CDC14A: variants seen among roughly 807,000 people sequenced by gnomAD.
The protein encoded by CDC14A is cell division cycle 14A.
In CDC14A, 53 loss-of-function variants were observed where a neutral mutation model predicts 74.4. The ratio of observed to expected loss-of-function variants is 0.71; its 90% CI spans 0.57 to 0.89. The LOEUF (loss-of-function observed/expected upper bound fraction) is 0.89. Among genes scored for constraint, CDC14A ranks in the 40% least tolerant of loss-of-function variants. CDC14A has a pLI of 0.00. For synonymous variants in CDC14A, 247 were observed against 258.4 expected, an observed-to-expected ratio of 0.96 and a Z score of 0.43; for missense variants, 646 against 713.7, an observed-to-expected ratio of 0.91 and a Z score of 1.08.
At position 100,519,377 on chromosome 1, in the gene CDC14A, C is replaced by T. The variant is rs1291909919; in HGVS notation, c.*1097C>T. The T allele has an allele frequency of 1.3e-5, 2 of 152,138 alleles. No homozygotes were observed. Among genetic ancestry groups the T allele is most frequent in the Middle Eastern group, 3.1e-3 (1 of 318 alleles). The allele number at this position is 152,138 out of a possible 1,614,324, so 9.4% of individuals were successfully genotyped here. On this transcript the variant is annotated 3_prime_UTR_variant, in exon 16 of 16. Coordinates refer to ENST00000336454, the MANE Select transcript of CDC14A (RefSeq NM_003672.4). Reference sequence around the variant, plus strand: ...ATGAAAGGACCCTTATAGGTACTCACAGCCCTTTCATGTAAGTATGATCTG... The same window carrying T: ...ATGAAAGGACCCTTATAGGTACTCATAGCCCTTTCATGTAAGTATGATCTG...
chr1:100,441,614 C>CT (rs1395398218), intron 6 of CDC14A, among the ~76,000 whole-genome samples: 3 of 149,072 alleles, frequency 2.0e-5, no homozygotes, highest in African/African-American at 4.9e-5. Context: ...ATTTTTCTCA[C>CT]TTTTTTGTCT....
chr1:100,499,882 G>A (rs1648507777), intron 15 of CDC14A, among the ~76,000 whole-genome samples: 1 of 152,150 alleles, frequency 6.6e-6, no homozygotes, highest in East Asian at 1.9e-4. Context: ...TGGGATGCAA[G>A]GTGGGGAGCA....
chr1:100,387,150 G>A (rs1656996687), intron 3 of CDC14A, among the ~76,000 whole-genome samples: 2 of 151,978 alleles, frequency 1.3e-5, no homozygotes, highest in South Asian at 2.1e-4. Context: ...AGAAAACTGT[G>A]GGCCAGGATG....
chr1:100,351,716 G>T, upstream of CDC14A: 5 of 1,544,054 alleles, frequency 3.2e-6, no homozygotes, highest in Admixed American at 5.9e-5. Context: ...ATGCTTTTGC[G>T]CTCACATTGG....
chr1:100,362,821 G>A (rs1652942751), intron 2 of CDC14A, among the ~76,000 whole-genome samples: 1 of 152,142 alleles, frequency 6.6e-6, no homozygotes. Context: ...GTTGCCTGGG[G>A]TAAATACCCG....
intron 4 of CDC14A, among the ~76,000 whole-genome samples, chr1:100,397,742 A>G (rs562521940): frequency 2.4e-4 from 36 of 152,326 alleles, no homozygotes; most frequent in African/African-American, 8.4e-4. Context: ...GCCACATTAT[A>G]TACTTTCCTT....
intron 4 of CDC14A, chr1:100,393,227 A>G: frequency 2.5e-6 from 4 of 1,584,918 alleles, no homozygotes; most frequent in Non-Finnish European, 3.5e-6. Flanking sequence ...TTAAATCTTG[A>G]ATATGTTTTC....
At chr1:100,517,817 G>T (rs1018252145) in intron 15 of CDC14A, among the ~76,000 whole-genome samples, 1 of 152,104 alleles carries the variant, frequency 6.6e-6, no homozygotes, top group Non-Finnish European at 1.5e-5. Flanking sequence ...TAATTCTACT[G>T]CATTAGAAGC....
chr1:100,447,129 A>G (rs545531782), intron 7 of CDC14A, among the ~76,000 whole-genome samples: 14 of 152,312 alleles, frequency 9.2e-5, no homozygotes, highest in African/African-American at 3.1e-4. Flanking sequence ...ATAGTCCATC[A>G]GTGTGACATG....
At chr1:100,410,329 A>AT (rs1250136086) in intron 4 of CDC14A, among the ~76,000 whole-genome samples, 4 of 151,830 alleles carry the variant, frequency 2.6e-5, no homozygotes, top group Non-Finnish European at 4.4e-5. Context: ...TTCTAAAATC[A>AT]TTTTTTTTCC....
rs2101442764 is a variant in CDC14A, at chr1:100,499,107, A to G, written c.1600A>G (p.Asn534Asp). The G allele has an allele frequency of 6.2e-7, 1 of 1,614,108 alleles. No homozygotes were observed. The highest frequency in any genetic ancestry group is 1.7e-5 in the Admixed American group (1 of 60,020). ...CAGAAATTACCCTGAGCTCAACAAT[A>G]ATCAGTACAACAGAAGCAGCAACAG... is the stretch of plus-strand genomic sequence containing the variant. ...TTRNYPELNN[N>D]QYNRSSNSNG... Residue 534 changes from asparagine to aspartate, a missense_variant, in exon 15 of 16, where the codon AAT becomes GAT. Transcript: ENST00000336454.
At chr1:100,431,754 G>GT (rs1256425253) in intron 5 of CDC14A, among the ~76,000 whole-genome samples, 1 of 152,088 alleles carries the variant, frequency 6.6e-6, no homozygotes, top group African/African-American at 2.4e-5. Context: ...GGAGGTTTAG[G>GT]TGGGAGGATT....
intron 2 of CDC14A, among the ~76,000 whole-genome samples, chr1:100,367,290 A>G (rs536138674): frequency 1.3e-5 from 2 of 152,302 alleles, no homozygotes; most frequent in African/African-American, 4.8e-5. Flanking sequence ...TTGATTATCA[A>G]TTAATTTTTA....
chr1:100,352,789 G>C lies in CDC14A; in HGVS notation c.-166G>C. 1 of 1,426,456 alleles carries C rather than the reference G, an allele frequency of 7.0e-7. No individual in the cohort carries two copies. The highest frequency in any genetic ancestry group is 9.1e-7 in the Non-Finnish European group (1 of 1,096,864). The allele number at this position is 1,426,456 out of a possible 1,614,324, so 88.4% of individuals were successfully genotyped here. On this transcript the variant is annotated 5_prime_UTR_variant, in exon 1 of 16. Coordinates refer to ENST00000336454, the MANE Select transcript of CDC14A (RefSeq NM_003672.4). ...GGAATGTCCCCGGGGCGCCCGGCGCGCTGACCCCGAAGCCGCCTCCGCCTT... is the reference window on the plus strand; with the variant it reads ...GGAATGTCCCCGGGGCGCCCGGCGCCCTGACCCCGAAGCCGCCTCCGCCTT...
intron 8 of CDC14A, among the ~76,000 whole-genome samples, chr1:100,458,652 T>C (rs549170881): frequency 5.3e-5 from 8 of 152,266 alleles, no homozygotes; most frequent in Admixed American, 3.9e-4. Context: ...TGTGATGGAA[T>C]TAATAAACCT....
intron 4 of CDC14A, among the ~76,000 whole-genome samples, chr1:100,422,265 T>C (rs867263654): frequency 6.6e-6 from 1 of 152,272 alleles, no homozygotes; most frequent in Middle Eastern, 3.4e-3. Context: ...GGCTGGTGCC[T>C]CCCTCTTGCA....
chr1:100,431,435 A>T (rs1043305094), intron 5 of CDC14A, among the ~76,000 whole-genome samples: 5 of 152,164 alleles, frequency 3.3e-5, no homozygotes, highest in African/African-American at 1.2e-4. Flanking sequence ...GTTTTGAATA[A>T]GATTGCAGTC....
rs748151491 is a variant in CDC14A at position 100,467,952 on chromosome 1, A to G, written c.839-4A>G. On this transcript the variant is annotated splice_polypyrimidine_tract_variant and splice_region_variant and intron_variant, in intron 9 of 15. Coordinates refer to ENST00000336454, the MANE Select transcript of CDC14A (RefSeq NM_003672.4). ...ATTTCTTATTCTGTTTCATTCTCTT[A>G]CAGCTGGTCTTGGAAGAACAGGGAC... 2.5e-6 allele frequency: 4 copies of G among 1,583,516 alleles called. No homozygotes were observed. The highest frequency in any genetic ancestry group is 3.9e-5 in the Admixed American group (2 of 51,248).
intron 7 of CDC14A, among the ~76,000 whole-genome samples, chr1:100,454,395 A>T (rs909628126): frequency 2.6e-5 from 4 of 152,194 alleles, no homozygotes; most frequent in East Asian, 1.9e-4. Flanking sequence ...AGACAGCGTA[A>T]GTGAAGAGGT....
Sources: allele counts gnomAD v4.1 joint callset (sites outside exome capture counted in the v4.1 genomes callset), GRCh38; gene constraint gnomAD v4.1.1; transcripts MANE v1.5; gene names NCBI Gene and HGNC (gene_info 2026-07-23, HGNC 2026-07-21).